Variants in MYOCD observed in about 807,000 individuals in gnomAD.
MYOCD encodes the protein myocardin.
A neutral mutation model predicts 96.1 loss-of-function variants in MYOCD; 32 were observed. The ratio of observed to expected loss-of-function variants is 0.33; its 90% CI spans 0.25 to 0.45. The LOEUF (loss-of-function observed/expected upper bound fraction) is 0.45. Among genes scored for constraint, MYOCD ranks in the 20% least tolerant of loss-of-function variants. The pLI is 1.00. For missense variants in MYOCD, 1,133 were observed against 1,200.6 expected, an observed-to-expected ratio of 0.94 and a Z score of 0.83; for synonymous variants, 469 against 469.0, an observed-to-expected ratio of 1.00 and a Z score of 0.00.
rs527539182 is a variant in MYOCD at position 12,763,536 on chromosome 17, C to A, written c.2853C>A (p.Gly951=). 1.2e-6 allele frequency: 2 copies of A among 1,614,088 alleles called. No individual in the cohort carries two copies. The highest frequency in any genetic ancestry group is 3.3e-5 in the Admixed American group (2 of 59,998). ...TCACTCCGCCAAATTCCACACCAGG[C>A]TTTAGCGCCCTCACCACCAGCAGCC... The part of the protein sequence containing the change: ...LDLTPPNSTP[G]FSALTTSSPS... Residue 951 remains glycine (G), a synonymous_variant, in exon 14 of 14, where the codon GGC becomes GGA. Coordinates refer to ENST00000425538, the MANE Select transcript of MYOCD (RefSeq NM_001146312.3).
intron 1 of MYOCD, among the ~76,000 whole-genome samples, chr17:12,675,347 C>T (rs16946420): frequency 0.11 from 16,040 of 152,004 alleles, 1,498 homozygotes; most frequent in African/African-American, 0.25. Context: ...AATGCCTAAC[C>T]TAAAAAAGAT....
chr17:12,736,432 C>T (rs2032348493), intron 6 of MYOCD, 96 bp downstream of exon 6: 1 of 1,314,530 alleles, frequency 7.6e-7, no homozygotes, highest in African/African-American at 1.5e-5. Context: ...GCTGGTTTTG[C>T]TTAGAGAATG....
chr17:12,706,904 A>G (rs1233537512), intron 2 of MYOCD, among the ~76,000 whole-genome samples: 7 of 152,318 alleles, frequency 4.6e-5, no homozygotes, highest in Middle Eastern at 3.4e-3. Context: ...CCTACAAATC[A>G]TGAAATAATA....
At position 12,765,620 on chromosome 17, in the gene MYOCD, G is replaced by A. The variant is rs2033318105; in HGVS notation, c.*1976G>A. On this transcript the variant is annotated 3_prime_UTR_variant, in exon 14 of 14. Transcript: ENST00000425538. The stretch of plus-strand genomic sequence containing the variant: ...GTATCTCCAAAAGCGGCGTTACAGA[G>A]TTCTACACCAAAAGCCTTTAACCCT... 6.6e-6 allele frequency: 1 copy of A among 152,186 alleles called. No individual in the cohort carries two copies. Among genetic ancestry groups the A allele is most frequent in the East Asian group, 1.9e-4 (1 of 5,198 alleles). The allele number at this position is 152,186 out of a possible 1,614,324, so 9.4% of individuals were successfully genotyped here.
intron 1 of MYOCD, among the ~76,000 whole-genome samples, chr17:12,681,017 C>A (rs1223252266): frequency 1.3e-5 from 2 of 152,122 alleles, no homozygotes; most frequent in African/African-American, 4.8e-5. Flanking sequence ...TTGTTACAGT[C>A]CTCCCATCCA....
rs2033062493 is a variant in MYOCD, at chr17:12,758,092, G to A, written c.2210G>A (p.Gly737Asp). ...CATATTTTACCCATGCAGATGGCTG[G>A]TTTACACTCTTCTGATAAGGTGGGG... ...KSPCVQQKMA[G>D]LHSSDKVGPK... Residue 737 changes from glycine (G) to aspartate (D), a missense_variant, in exon 12 of 14, where the codon GGT becomes GAT. By Grantham distance (94) the Gly-to-Asp change is moderately conservative (BLOSUM62 -1). Coordinates refer to ENST00000425538, the MANE Select transcript of MYOCD (RefSeq NM_001146312.3). The A allele has an allele frequency of 1.2e-6, 2 of 1,612,846 alleles. No individual in the cohort carries two copies. Among genetic ancestry groups the A allele is most frequent in the Admixed American group, 1.7e-5 (1 of 59,984 alleles).
At chr17:12,707,551 A>G (rs921045792) in intron 2 of MYOCD, among the ~76,000 whole-genome samples, 1 of 151,956 alleles carries the variant, frequency 6.6e-6, no homozygotes, top group African/African-American at 2.4e-5. Context: ...TAAAAATACA[A>G]AAAAAAGAAA....
At chr17:12,730,312 G>A (rs2032131753) in intron 5 of MYOCD, among the ~76,000 whole-genome samples, 1 of 151,820 alleles carries the variant, frequency 6.6e-6, no homozygotes, top group Non-Finnish European at 1.5e-5. Context: ...GCTGGGCATG[G>A]TGACAGGCAT....
Position 12,746,099 on chromosome 17 carries a change from C to T in MYOCD, c.1125+27C>T, listed in dbSNP as rs745375907. 3 of 1,609,532 alleles carry T rather than the reference C, an allele frequency of 1.9e-6. No individual in the cohort carries two copies. In the Admixed American group the frequency reaches 5.1e-5, roughly 27 times the overall value. Reference sequence around the variant, plus strand: ...TATAGGATTTGACATGAGTTTCTTTCTTTTTTTAAACAAATACAACAGTAT... The same window carrying T: ...TATAGGATTTGACATGAGTTTCTTTTTTTTTTTAAACAAATACAACAGTAT... On this transcript the variant is annotated intron_variant, in intron 9 of 13. Transcript: ENST00000425538.
At chr17:12,680,876 C>T in intron 1 of MYOCD, among the ~76,000 whole-genome samples, 1 of 152,106 alleles carries the variant, frequency 6.6e-6, no homozygotes, top group Non-Finnish European at 1.5e-5. Context: ...CCAGTCCTCC[C>T]TGACTTGGAG....
At chr17:12,688,233 A>T (rs79564274) in intron 1 of MYOCD, among the ~76,000 whole-genome samples, 4,476 of 152,272 alleles carry the variant, frequency 0.029, 97 homozygotes, top group African/African-American at 0.061. Context: ...CTGATCCCCC[A>T]GTTTTGTCAG....
chr17:12,762,813 G>A, intron 13 of MYOCD: 1 of 427,806 alleles, frequency 2.3e-6, no homozygotes, highest in South Asian at 3.9e-5. Flanking sequence ...GGGACTACCA[G>A]GGGTCAGAGG....
chr17:12,698,197 G>A (rs2030872993), intron 1 of MYOCD, among the ~76,000 whole-genome samples: 1 of 152,182 alleles, frequency 6.6e-6, no homozygotes, highest in Non-Finnish European at 1.5e-5. Flanking sequence ...ATTGCAAGGA[G>A]ATAACCCACT....
chr17:12,715,611 A>G (rs1178315493), intron 3 of MYOCD, 37 bp downstream of exon 3: 2 of 1,529,916 alleles, frequency 1.3e-6, no homozygotes, highest in East Asian at 2.3e-5. Context: ...AGCTTAGACT[A>G]TAGGTTATGA....
intron 5 of MYOCD, among the ~76,000 whole-genome samples, chr17:12,723,996 C>T (rs1489757302): frequency 6.6e-6 from 1 of 152,172 alleles, no homozygotes; most frequent in East Asian, 1.9e-4. Flanking sequence ...AAAATATCAA[C>T]TCCAGGAGAG....
At chr17:12,740,724 A>G (rs1203208347) in intron 7 of MYOCD, among the ~76,000 whole-genome samples, 1 of 150,806 alleles carries the variant, frequency 6.6e-6, no homozygotes, top group African/African-American at 2.4e-5. Flanking sequence ...ATCCCAAATA[A>G]CTTCCCTTTG....
At chr17:12,743,247 TA>T (rs1385275309) in intron 7 of MYOCD, among the ~76,000 whole-genome samples, 2 of 152,100 alleles carry the variant, frequency 1.3e-5, no homozygotes, top group East Asian at 3.9e-4. Flanking sequence ...CCATAATAAG[TA>T]AAGTGTCCTT....
chr17:12,761,072 T>C (rs1469963911), intron 13 of MYOCD: 2 of 182,646 alleles, frequency 1.1e-5, no homozygotes, highest in South Asian at 1.6e-4. Context: ...ATAATGAACA[T>C]TTTGTGCTAC....
rs1426251739 is a variant in MYOCD, at chr17:12,764,514, T to A, written c.*870T>A. Reference sequence around the variant, plus strand: ...AGAGATGACCACATTGGTAGAAGTATATCTCGAGGCACAGGAAGGGAGCCC... The same window carrying A: ...AGAGATGACCACATTGGTAGAAGTAAATCTCGAGGCACAGGAAGGGAGCCC... On this transcript the variant is annotated 3_prime_UTR_variant, in exon 14 of 14. Transcript: ENST00000425538. 6.6e-6 allele frequency: 1 copy of A among 152,198 alleles called. No homozygotes were observed. Among genetic ancestry groups the A allele is most frequent in the African/African-American group, 2.4e-5 (1 of 41,422 alleles). The allele number at this position is 152,198 out of a possible 1,614,324, so 9.4% of individuals were successfully genotyped here.
Sources: allele counts gnomAD v4.1 joint callset (sites outside exome capture counted in the v4.1 genomes callset), GRCh38; gene constraint gnomAD v4.1.1; transcripts MANE v1.5; gene names NCBI Gene and HGNC (gene_info 2026-07-23, HGNC 2026-07-21).